PSIP1: variants seen among roughly 807,000 people sequenced by gnomAD.
The protein encoded by PSIP1 is PC4 and SFRS1-interacting protein.
In PSIP1, 19 loss-of-function variants were observed where a neutral mutation model predicts 74.7. The ratio of observed to expected loss-of-function variants is 0.25; its 90% CI spans 0.18 to 0.37. PSIP1 has a LOEUF of 0.37. Among genes scored for constraint, PSIP1 ranks in the 10% least tolerant of loss-of-function variants. The pLI is 1.00. For missense variants in PSIP1, 601 were observed against 614.3 expected (o/e 0.98, Z 0.23); for synonymous variants, 222 against 195.3 (o/e 1.14, Z -1.14).
At chr9:15,468,476 C>T in intron 14 of PSIP1, 154 bp downstream of exon 14, 2 of 852,760 alleles carry the variant, frequency 2.3e-6, no homozygotes, top group South Asian at 2.7e-5. Context: ...TGCTCTAGTC[C>T]TTCAATAGGC....
intron 14 of PSIP1, among the ~76,000 whole-genome samples, chr9:15,467,362 T>A (rs1587450059): frequency 6.6e-6 from 1 of 152,226 alleles, no homozygotes; most frequent in Non-Finnish European, 1.5e-5. Context: ...AGGGGACCCA[T>A]GTCATTCCCC....
intron 2 of PSIP1, among the ~76,000 whole-genome samples, chr9:15,508,505 C>T (rs1240760772): frequency 6.6e-6 from 1 of 152,220 alleles, no homozygotes; most frequent in African/African-American, 2.4e-5. Flanking sequence ...CTCTTAGTCA[C>T]TTAACATATG....
chr9:15,497,099 T>C (rs1306623142), intron 3 of PSIP1, among the ~76,000 whole-genome samples: 1 of 152,130 alleles, frequency 6.6e-6, no homozygotes, highest in African/African-American at 2.4e-5. Context: ...CAAAAAAACT[T>C]GGACACAAAT....
chr9:15,479,092 T>A (rs1343803338), intron 7 of PSIP1, among the ~76,000 whole-genome samples: 1 of 152,104 alleles, frequency 6.6e-6, no homozygotes, highest in Non-Finnish European at 1.5e-5. Context: ...ATTCACTCAA[T>A]TTTGGTTTTG....
At chr9:15,471,894 G>A (rs1351699074) in intron 10 of PSIP1, 1 of 982,714 alleles carries the variant, frequency 1.0e-6, no homozygotes, top group Non-Finnish European at 1.2e-6. Context: ...TAGTCAGAAT[G>A]TAAGACGCTT....
intron 12 of PSIP1, 23 bp downstream of exon 12, chr9:15,469,243 A>AT: frequency 7.0e-7 from 1 of 1,436,992 alleles, no homozygotes. Context: ...GTACTGAAGT[A>AT]TTAAATGAAG....
intron 7 of PSIP1, 122 bp downstream of exon 7, chr9:15,479,469 G>A: frequency 1.6e-6 from 1 of 628,088 alleles, no homozygotes; most frequent in East Asian, 3.0e-5. Flanking sequence ...TTTGAAATCT[G>A]TATGTTACAC....
At chr9:15,477,266 T>A (rs534781081) in intron 8 of PSIP1, among the ~76,000 whole-genome samples, 1 of 152,342 alleles carries the variant, frequency 6.6e-6, no homozygotes, top group Non-Finnish European at 1.5e-5. Context: ...ACACAATGTT[T>A]TGATGTACGT....
intron 10 of PSIP1, 29 bp downstream of exon 10, chr9:15,472,603 C>G (rs758501310): frequency 1.9e-6 from 3 of 1,560,756 alleles, no homozygotes; most frequent in South Asian, 2.5e-5. Context: ...TAAAAAGAAC[C>G]CAAAATTTAG....
intron 8 of PSIP1, among the ~76,000 whole-genome samples, chr9:15,474,492 G>A (rs554075418): frequency 6.6e-6 from 1 of 152,284 alleles, no homozygotes; most frequent in African/African-American, 2.4e-5. Context: ...TGTTTAAAAA[G>A]TAGACACACT....
chr9:15,468,598 T>C lies in PSIP1; in HGVS notation c.1420+32A>G, dbSNP rs1449940763. ...CAGTCCTGGCAAATGGTTTAAAAAC[T>C]GGTGTGAAATTGTTGGCTTTTTACC... On this transcript the variant is annotated intron_variant, in intron 14 of 15. Transcript: ENST00000380733. 3.1e-6 allele frequency: 5 copies of C among 1,594,206 alleles called. No homozygotes were observed. In the African/African-American group the frequency reaches 6.7e-5, roughly 21 times the overall value.
At chr9:15,493,157 C>T (rs1298662829) in intron 3 of PSIP1, among the ~76,000 whole-genome samples, 1 of 152,174 alleles carries the variant, frequency 6.6e-6, no homozygotes, top group Non-Finnish European at 1.5e-5. Flanking sequence ...TCTGTCACTT[C>T]CTAAATGCCT....
At chr9:15,466,702 C>T (rs1004467327) in intron 15 of PSIP1, 46 bp downstream of exon 15, 5 of 1,454,858 alleles carry the variant, frequency 3.4e-6, no homozygotes, top group Admixed American at 2.1e-5. Context: ...GATTAAAAAC[C>T]TGAATAATAA....
chr9:15,499,302 A>G (rs544980628), intron 3 of PSIP1, among the ~76,000 whole-genome samples: 2 of 152,250 alleles, frequency 1.3e-5, no homozygotes, highest in South Asian at 2.1e-4. Context: ...AGCTTGTAAG[A>G]GTCAAGACTG....
chr9:15,497,418 C>T (rs1051681661), intron 3 of PSIP1, among the ~76,000 whole-genome samples: 1 of 149,516 alleles, frequency 6.7e-6, no homozygotes, highest in African/African-American at 2.5e-5. Context: ...CCTCTGCTTC[C>T]CAAGTTCAAA....
At chr9:15,475,178 T>C (rs1422536812) in intron 8 of PSIP1, among the ~76,000 whole-genome samples, 2 of 152,218 alleles carry the variant, frequency 1.3e-5, no homozygotes, top group Non-Finnish European at 2.9e-5. Context: ...CTTTTTATTA[T>C]ATAATTATCA....
At chr9:15,500,300 C>G (rs1296878796) in intron 3 of PSIP1, among the ~76,000 whole-genome samples, 1 of 151,912 alleles carries the variant, frequency 6.6e-6, no homozygotes, top group Non-Finnish European at 1.5e-5. Flanking sequence ...CCGGTCTCTA[C>G]TAAAAACACA....
At chr9:15,497,139 G>C (rs1436389053) in intron 3 of PSIP1, among the ~76,000 whole-genome samples, 1 of 152,062 alleles carries the variant, frequency 6.6e-6, no homozygotes, top group African/African-American at 2.4e-5. Flanking sequence ...AAAGCCAAAA[G>C]TAAAAATAAC....
chr9:15,487,317 G>C (rs946035256), intron 4 of PSIP1, among the ~76,000 whole-genome samples: 1 of 152,084 alleles, frequency 6.6e-6, no homozygotes, highest in African/African-American at 2.4e-5. Context: ...AAACGTAGTT[G>C]GGCACTGTGG....
Sources: gnomAD v4.1 joint callset for allele counts (sites outside exome capture counted in the v4.1 genomes callset) on GRCh38, gnomAD v4.1.1 for gene constraint, MANE v1.5 for transcripts, NCBI Gene and HGNC (gene_info 2026-07-23, HGNC 2026-07-21) for gene names.